Variants in CYB5B observed in about 807,000 individuals in gnomAD.
The protein encoded by CYB5B is cytochrome b5 type B (outer mitochondrial membrane).
Under a neutral mutation model 21.3 loss-of-function variants are expected in CYB5B, and 14 were observed. That is an observed-to-expected ratio of 0.66 (90% CI 0.43 to 1.03). CYB5B has a LOEUF of 1.03. Among genes scored for constraint, CYB5B ranks in the 50% least tolerant of loss-of-function variants. CYB5B has a pLI of 0.00. For synonymous variants in CYB5B, 69 were observed against 68.4 expected (o/e 1.01, Z -0.04); for missense variants, 166 against 185.1 (o/e 0.90, Z 0.60).
intron 1 of CYB5B, chr16:69,443,557 T>G (rs1371707662): frequency 2.6e-5 from 4 of 153,476 alleles, no homozygotes; most frequent in African/African-American, 9.6e-5. Flanking sequence ...CAGCATAGGC[T>G]TAAAACCAGA....
chr16:69,449,257 T>G (rs2014908752), intron 3 of CYB5B: 1 of 152,190 alleles, frequency 6.6e-6, no homozygotes, highest in African/African-American at 2.4e-5. Flanking sequence ...GTAAAAAGTT[T>G]CTTCCTGTCT....
rs550068442 is a variant in CYB5B, at chr16:69,446,342, G to C, written c.175-808G>C. On this transcript the variant is annotated intron_variant, in intron 1 of 4. Transcript: ENST00000307892. The stretch of plus-strand genomic sequence containing the variant: ...ACTTATTTATTTATTCATTTATTTT[G>C]AGTCAGAGTCTCACTCTTTTGCCCA... Among the ~76,000 whole-genome samples the C allele has an allele frequency of 7.9e-5, 12 of 152,058 alleles. No individual in the cohort carries two copies. The East Asian group carries it at 2.3e-3, about 29-fold the overall frequency.
chr16:69,427,952 T>C (rs908011161), intron 1 of CYB5B, among the ~76,000 whole-genome samples: 5 of 146,618 alleles, frequency 3.4e-5, no homozygotes, highest in Non-Finnish European at 4.5e-5. Flanking sequence ...GCCAAGATGG[T>C]GCCGTTGCAC....
At chr16:69,460,148 G>A (rs1175048463) in intron 4 of CYB5B, among the ~76,000 whole-genome samples, 3 of 151,760 alleles carry the variant, frequency 2.0e-5, no homozygotes, top group Non-Finnish European at 2.9e-5. Context: ...CAGGAGAATC[G>A]CTTGAACCTT....
In CYB5B at chr16:69,441,275, T is replaced by C. The variant is rs538947902; in HGVS notation, c.175-5875T>C. 2.0e-5 allele frequency among the ~76,000 whole-genome samples: 3 copies of C among 151,462 alleles called. No homozygotes were observed. The East Asian group carries it at 5.9e-4, about 30-fold the overall frequency. On this transcript the variant is annotated intron_variant, in intron 1 of 4. Transcript: ENST00000307892. ...TTCAAGTGATTTTCCTGCCTCAGCCTCCTGAGTAGCTGGGACTTACAGGCA... is the reference window on the plus strand; with the variant it reads ...TTCAAGTGATTTTCCTGCCTCAGCCCCCTGAGTAGCTGGGACTTACAGGCA...
At chr16:69,443,272 GC>G (rs1385139259) in intron 1 of CYB5B, 1 of 153,502 alleles carries the variant, frequency 6.5e-6, no homozygotes, top group East Asian at 1.9e-4. Context: ...CAAAGTGAAG[GC>G]CTTTGCCCAT....
chr16:69,424,794 C>G lies in CYB5B; in HGVS notation c.111C>G (p.Ser37=), dbSNP rs367755399. 4.4e-6 allele frequency: 7 copies of G among 1,609,138 alleles called. No individual in the cohort carries two copies. In the South Asian group the frequency reaches 7.7e-5, roughly 18 times the overall value. ...YRLEEVAKRN[S]LKELWLVIHG... is the part of the protein sequence containing the mutation. ...TGGAGGAGGTGGCAAAGCGCAACTC[C>G]TTGAAGGAACTGTGGCTTGTGATCC... is the stretch of plus-strand genomic sequence containing the variant. Residue 37 remains serine, a synonymous_variant, in exon 1 of 5, where the codon TCC becomes TCG. Coordinates refer to ENST00000307892, the MANE Select transcript of CYB5B (RefSeq NM_030579.3).
At chr16:69,431,953 T>C (rs1328459632) in intron 1 of CYB5B, among the ~76,000 whole-genome samples, 1 of 152,166 alleles carries the variant, frequency 6.6e-6, no homozygotes, top group Non-Finnish European at 1.5e-5. Flanking sequence ...TGGGAAAGCC[T>C]CTGTGAGAAG....
intron 3 of CYB5B, 156 bp downstream of exon 3, chr16:69,448,300 T>C: frequency 1.3e-6 from 1 of 788,142 alleles, no homozygotes; most frequent in Non-Finnish European, 2.1e-6. Context: ...CAGTATCATC[T>C]CAGGAATAAA....
At chr16:69,449,026 G>T (rs887040880) in intron 3 of CYB5B, 1 of 152,154 alleles carries the variant, frequency 6.6e-6, no homozygotes, top group Non-Finnish European at 1.5e-5. Flanking sequence ...AACAGTGTCT[G>T]CCATCTGTTG....
chr16:69,455,400 CTTTT>C (rs67183796), intron 3 of CYB5B, among the ~76,000 whole-genome samples: 15 of 122,958 alleles, frequency 1.2e-4, no homozygotes, highest in East Asian at 2.3e-4. Context: ...TTGTTGTTCT[CTTTT>C]TTTTTTTTTT....
In CYB5B at chr16:69,447,198, A is replaced by G. The variant is rs1384250424; in HGVS notation, c.223A>G (p.Ser75Gly). The change falls in exon 2 of 5, where the codon AGT becomes GGT. Residue 75 changes from serine to glycine, a missense_variant. Ser to Gly is a moderately conservative substitution (Grantham distance 56). Coordinates refer to ENST00000307892, the MANE Select transcript of CYB5B (RefSeq NM_030579.3). ...VLLEQAGVDA[S>G]ESFEDVGHSS... ...GCTGGAACAAGCTGGTGTAGATGCA[A>G]GTGAAAGCTTTGAAGATGTAGGACA... 1 of 1,613,290 alleles carries G rather than the reference A, an allele frequency of 6.2e-7. No homozygotes were observed.
chr16:69,462,397 A>C (rs1161463865), intron 4 of CYB5B, 33 bp from the exon 5 acceptor site: 3 of 1,524,936 alleles, frequency 2.0e-6, no homozygotes, highest in Non-Finnish European at 2.7e-6. Flanking sequence ...TTAAAATATT[A>C]ACAACTTTAT....
Position 69,462,700 on chromosome 16 carries a change from C to A in CYB5B, c.*180C>A. On this transcript the variant is annotated 3_prime_UTR_variant, in exon 5 of 5. Transcript: ENST00000307892. ...GACCAGCGTCTTCCATCTCTCAGAGCCTTACTCCCAAAGTACCTGCTCACT... is the reference window on the plus strand; with the variant it reads ...GACCAGCGTCTTCCATCTCTCAGAGACTTACTCCCAAAGTACCTGCTCACT... 1 of 583,846 alleles carries A rather than the reference C, an allele frequency of 1.7e-6. No individual in the cohort carries two copies. Among genetic ancestry groups the A allele is most frequent in the Non-Finnish European group, 3.1e-6 (1 of 325,520 alleles). 36.2% of individuals were successfully genotyped at this position (583,846 alleles called of 1,614,324 possible). A position where few individuals can be genotyped will look rare whatever the true frequency, so the allele number is the denominator to read the frequency against.
intron 2 of CYB5B, among the ~76,000 whole-genome samples, chr16:69,447,696 C>T (rs1032156974): frequency 2.6e-5 from 4 of 151,740 alleles, no homozygotes; most frequent in Non-Finnish European, 5.9e-5. Flanking sequence ...AGCCATCAGG[C>T]TAAATTTTCT....
chr16:69,450,139 G>C (rs2014917657), intron 3 of CYB5B: 1 of 149,878 alleles, frequency 6.7e-6, no homozygotes, highest in Non-Finnish European at 1.5e-5. Flanking sequence ...AGGATAGCTT[G>C]AGCCCGGGAG....
rs927841918 is a variant in CYB5B at position 69,440,735 on chromosome 16, G to A, written c.175-6415G>A. ...TGTAATGAATAATGCTGCTATGGCC[G>A]TGTGTGTTGCGTGTGTGTGTGTGTG... On this transcript the variant is annotated intron_variant, in intron 1 of 4. Coordinates refer to ENST00000307892, the MANE Select transcript of CYB5B (RefSeq NM_030579.3). Among the ~76,000 whole-genome samples, 23 of 64,764 alleles carry A rather than the reference G, an allele frequency of 3.6e-4. No homozygotes were observed. In the East Asian group the frequency reaches 4.0e-3, roughly 11 times the overall value. The allele number at this position is 64,764 out of a possible 152,430, so 42.5% of individuals were successfully genotyped here.
At chr16:69,433,595 AT>A (rs1239213158) in intron 1 of CYB5B, among the ~76,000 whole-genome samples, 1 of 152,232 alleles carries the variant, frequency 6.6e-6, no homozygotes, top group Non-Finnish European at 1.5e-5. Context: ...GCAGTATCCT[AT>A]TGATAAACAT....
intron 3 of CYB5B, among the ~76,000 whole-genome samples, chr16:69,454,203 G>A (rs1443207826): frequency 6.6e-6 from 1 of 152,096 alleles, no homozygotes; most frequent in Non-Finnish European, 1.5e-5. Context: ...TCTTAAGAGA[G>A]TTTATAGCAA....
Sources: gnomAD v4.1 joint callset for allele counts (sites outside exome capture counted in the v4.1 genomes callset) on GRCh38, gnomAD v4.1.1 for gene constraint, MANE v1.5 for transcripts, NCBI Gene and HGNC (gene_info 2026-07-23, HGNC 2026-07-21) for gene names.